LMNTD1: variants seen among roughly 807,000 people sequenced by gnomAD.
LMNTD1 encodes lamin tail domain-containing protein 1.
Under a neutral mutation model 50.9 loss-of-function variants are expected in LMNTD1, and 35 were observed. That is an observed-to-expected ratio of 0.69 (90% confidence interval 0.53 to 0.91). The LOEUF (loss-of-function observed/expected upper bound fraction) is 0.91. Ranked by LOEUF, LMNTD1 falls within the 40% of genes least tolerant of loss-of-function variation. The pLI, the probability that LMNTD1 is intolerant of heterozygous loss-of-function variation, is 0.00. For synonymous variants in LMNTD1, 153 were observed against 161.9 expected, an observed-to-expected ratio of 0.94 and a Z score of 0.42; for missense variants, 470 against 475.5, an observed-to-expected ratio of 0.99 and a Z score of 0.11.
intron 1 of LMNTD1, among the ~76,000 whole-genome samples, chr12:25,590,022 C>T (rs1184227983): frequency 6.6e-6 from 1 of 152,062 alleles, no homozygotes; most frequent in African/African-American, 2.4e-5. Flanking sequence ...CAATCATGCC[C>T]CCTACAAAGA....
At chr12:25,529,108 T>C (rs945527578) in intron 4 of LMNTD1, among the ~76,000 whole-genome samples, 1 of 152,152 alleles carries the variant, frequency 6.6e-6, no homozygotes, top group Admixed American at 6.5e-5. Context: ...ATTGGCCTCT[T>C]TTTGGAAACT....
chr12:25,526,073 A>C (rs76454420), intron 6 of LMNTD1, 26 bp downstream of exon 6: 2 of 1,535,568 alleles, frequency 1.3e-6, no homozygotes, highest in African/African-American at 1.4e-5. Flanking sequence ...AAAAAAAAAA[A>C]CGATTGTTAA....
intron 4 of LMNTD1, among the ~76,000 whole-genome samples, chr12:25,541,400 C>T (rs956089264): frequency 4.8e-5 from 7 of 146,828 alleles, no homozygotes; most frequent in African/African-American, 1.0e-4. Context: ...AGAACAGAGC[C>T]CTCAGAAATA....
intron 4 of LMNTD1, among the ~76,000 whole-genome samples, chr12:25,529,378 A>T (rs1478676393): frequency 6.6e-6 from 1 of 152,182 alleles, no homozygotes; most frequent in East Asian, 1.9e-4. Context: ...CTTCGGATCC[A>T]CAGAAACAAC....
At chr12:25,628,107 CAAAAAAAAAAAAAAAAAA>C (rs58780549) in intron 1 of LMNTD1, among the ~76,000 whole-genome samples, 2 of 52,450 alleles carry the variant, frequency 3.8e-5, no homozygotes, top group Non-Finnish European at 6.2e-5. Flanking sequence ...AACTCCGTCT[CAAAAAAAAAAAAAAAAAA>C]AAAAAAAAAA....
chr12:25,641,425 G>A (rs7980764), intron 1 of LMNTD1, among the ~76,000 whole-genome samples: 73,892 of 151,880 alleles, frequency 0.49, 20,416 homozygotes, highest in Non-Finnish European at 0.63. Flanking sequence ...AAAATAATGG[G>A]TTCAAATATT....
intron 4 of LMNTD1, among the ~76,000 whole-genome samples, chr12:25,542,774 A>C (rs1334838999): frequency 1.3e-5 from 2 of 151,134 alleles, no homozygotes; most frequent in Non-Finnish European, 3.0e-5. Flanking sequence ...CAAAGTAGAC[A>C]GAAGAAAGGG....
At chr12:25,520,145 CATATAT>C (rs71065950) in intron 6 of LMNTD1, 70 bp from the exon 7 acceptor site, 48 of 234,176 alleles carry the variant, frequency 2.0e-4, no homozygotes, top group Middle Eastern at 1.5e-3. Context: ...ATGAGATATA[CATATAT>C]ATATATATAT....
chr12:25,493,218 T>G (rs7301836), intron 9 of LMNTD1, among the ~76,000 whole-genome samples: 39,401 of 152,132 alleles, frequency 0.26, 5,266 homozygotes, highest in Middle Eastern at 0.34. Flanking sequence ...TTCTTACACA[T>G]TATTTTCATG....
intron 1 of LMNTD1, among the ~76,000 whole-genome samples, chr12:25,562,278 T>C (rs2136308965): frequency 6.6e-6 from 1 of 152,354 alleles, no homozygotes; most frequent in South Asian, 2.1e-4. Flanking sequence ...TTGTAACGAT[T>C]GTTCCTTTCC....
intron 1 of LMNTD1, among the ~76,000 whole-genome samples, chr12:25,587,392 G>C (rs1045108054): frequency 1.3e-5 from 2 of 152,236 alleles, no homozygotes; most frequent in Non-Finnish European, 2.9e-5. Flanking sequence ...GAGGCCTCAG[G>C]GAGCTTTTGC....
chr12:25,561,475 G>GT (rs1440603055), intron 1 of LMNTD1, among the ~76,000 whole-genome samples: 5 of 152,090 alleles, frequency 3.3e-5, no homozygotes, highest in African/African-American at 1.2e-4. Flanking sequence ...TTAATCCTGA[G>GT]TCTAGTTTGA....
chr12:25,496,618 C>A lies in LMNTD1; in HGVS notation c.*22+7120G>T, dbSNP rs73074342. ...TGTTGCAGTATAACCAGAAAGTATA[C>A]GTAAAGTTGTTTTGTTGAGCAATGG... On this transcript the variant is annotated intron_variant, in intron 9 of 9. Coordinates refer to ENST00000458174, the MANE Select transcript of LMNTD1 (RefSeq NM_001145728.2). 4.1e-3 allele frequency among the ~76,000 whole-genome samples: 623 copies of A among 152,198 alleles called. 2 individuals carry two copies. The highest frequency in any genetic ancestry group is 6.0e-3 in the Non-Finnish European group (409 of 67,994).
intron 9 of LMNTD1, among the ~76,000 whole-genome samples, chr12:25,486,715 G>A (rs1461119663): frequency 6.7e-6 from 1 of 150,074 alleles, no homozygotes; most frequent in Non-Finnish European, 1.5e-5. Context: ...TTAGCATGAA[G>A]GGTTGTTGAA....
chr12:25,639,875 A>G (rs1157649029), intron 1 of LMNTD1, among the ~76,000 whole-genome samples: 1 of 152,240 alleles, frequency 6.6e-6, no homozygotes, highest in East Asian at 1.9e-4. Flanking sequence ...ATTTGTCACA[A>G]TAGCCAAAAA....
chr12:25,489,856 CA>C (rs1326103739), intron 9 of LMNTD1, among the ~76,000 whole-genome samples: 1 of 151,990 alleles, frequency 6.6e-6, no homozygotes, highest in East Asian at 1.9e-4. Context: ...AAAAAGCTTC[CA>C]AAATCTTTAT....
chr12:25,604,861 C>T (rs898688524), intron 1 of LMNTD1, among the ~76,000 whole-genome samples: 34 of 152,074 alleles, frequency 2.2e-4, no homozygotes, highest in East Asian at 9.7e-4. Flanking sequence ...GCGTATATAC[C>T]CAGTAATGGG....
chr12:25,561,736 T>G (rs556802099), intron 1 of LMNTD1, among the ~76,000 whole-genome samples: 1 of 152,318 alleles, frequency 6.6e-6, no homozygotes, highest in Non-Finnish European at 1.5e-5. Flanking sequence ...ATGTTGGCAG[T>G]GGGGTGTTAA....
At chr12:25,603,947 G>GT (rs35197584) in intron 1 of LMNTD1, among the ~76,000 whole-genome samples, 21 of 79,360 alleles carry the variant, frequency 2.6e-4, no homozygotes, top group African/African-American at 7.1e-4. Flanking sequence ...TACGAATATT[G>GT]GGGGGGAAGG....
Sources: allele counts gnomAD v4.1 joint callset (sites outside exome capture counted in the v4.1 genomes callset), GRCh38; gene constraint gnomAD v4.1.1; transcripts MANE v1.5; gene names NCBI Gene and HGNC (gene_info 2026-07-23, HGNC 2026-07-21).